Variants in PALM2AKAP2 observed in about 807,000 individuals in gnomAD.
The protein encoded by PALM2AKAP2 is PALM2-AKAP2 fusion protein.
A neutral mutation model predicts 71.5 loss-of-function variants in PALM2AKAP2; 37 were observed. The ratio of observed to expected loss-of-function variants is 0.52; its 90% CI spans 0.40 to 0.68. PALM2AKAP2 has a LOEUF of 0.68. PALM2AKAP2 is among the 30% of genes least tolerant of loss of function. The pLI is 0.00. For synonymous variants in PALM2AKAP2, 468 were observed against 478.8 expected, an observed-to-expected ratio of 0.98 and a Z score of 0.29; for missense variants, 1,224 against 1,191.8, an observed-to-expected ratio of 1.03 and a Z score of -0.40.
chr9:109,660,697 T>C (rs1475007918), intron 1 of PALM2AKAP2, among the ~76,000 whole-genome samples: 1 of 150,352 alleles, frequency 6.7e-6, no homozygotes, highest in African/African-American at 2.4e-5. Flanking sequence ...TTTATGATCC[T>C]TGTCAAATGG....
chr9:110,025,567 G>C, intron 7 of PALM2AKAP2, among the ~76,000 whole-genome samples: 1 of 152,146 alleles, frequency 6.6e-6, no homozygotes, highest in Non-Finnish European at 1.5e-5. Flanking sequence ...GAGTAGAATT[G>C]CTGGGTCATA....
chr9:109,924,028 A>G (rs1203654344), intron 4 of PALM2AKAP2, among the ~76,000 whole-genome samples, 179 bp downstream of exon 4: 1 of 152,188 alleles, frequency 6.6e-6, no homozygotes, highest in Non-Finnish European at 1.5e-5. Context: ...AGCATGACAT[A>G]TCTTTGGGTG....
At chr9:109,872,972 G>A (rs529805082) in intron 2 of PALM2AKAP2, among the ~76,000 whole-genome samples, 4 of 152,262 alleles carry the variant, frequency 2.6e-5, no homozygotes, top group South Asian at 4.1e-4. Flanking sequence ...GTCTTGGGTC[G>A]GCTTCTCCCT....
chr9:110,100,238 G>A lies in PALM2AKAP2; in HGVS notation c.157-35889G>A, dbSNP rs1180637142. ...GCAGCATGGGTATTATTGGGCTTAG[G>A]AAAAGGTGAAGGCTGCCTTGCTGCC... On this transcript the variant is annotated intron_variant, in intron 1 of 3. Coordinates refer to ENST00000374525, the Ensembl canonical transcript of PALM2AKAP2. Among the ~76,000 whole-genome samples the A allele has an allele frequency of 3.3e-5, 5 of 152,036 alleles. No individual in the cohort carries two copies. The East Asian group carries it at 9.7e-4, about 29-fold the overall frequency.
intron 1 of PALM2AKAP2, among the ~76,000 whole-genome samples, chr9:109,751,094 C>G (rs751326327): frequency 6.6e-6 from 1 of 152,082 alleles, no homozygotes; most frequent in Non-Finnish European, 1.5e-5. Flanking sequence ...GCCAGGCAAC[C>G]CTAGATTTTC....
chr9:110,053,549 GA>G (rs1289437510), intron 1 of PALM2AKAP2, among the ~76,000 whole-genome samples: 8 of 114,910 alleles, frequency 7.0e-5, no homozygotes, highest in Admixed American at 2.7e-4. Flanking sequence ...AAAAAAAAAA[GA>G]AAAAAAGAAA....
At chr9:109,912,704 TTAGA>T (rs139656396) in intron 3 of PALM2AKAP2, among the ~76,000 whole-genome samples, 24,029 of 151,854 alleles carry the variant, frequency 0.16, 2,255 homozygotes, top group East Asian at 0.25. Context: ...GAGAGCTAGA[TTAGA>T]TAGATAGATA....
intron 1 of PALM2AKAP2, among the ~76,000 whole-genome samples, chr9:109,735,253 C>T (rs1346486648): frequency 6.6e-6 from 1 of 150,522 alleles, no homozygotes; most frequent in Admixed American, 6.7e-5. Context: ...TGGGCCTGCT[C>T]TCCAGCAACT....
At chr9:109,977,237 A>G (rs1832188762) in intron 6 of PALM2AKAP2, among the ~76,000 whole-genome samples, 1 of 152,210 alleles carries the variant, frequency 6.6e-6, no homozygotes, top group Admixed American at 6.5e-5. Context: ...TACAGGAGGT[A>G]GTTGAAAGAA....
intron 3 of PALM2AKAP2, among the ~76,000 whole-genome samples, chr9:109,883,935 G>A (rs1402806224): frequency 1.3e-5 from 2 of 152,178 alleles, no homozygotes; most frequent in African/African-American, 2.4e-5. Context: ...GCAGAAACAA[G>A]GCCTAGGCTC....
At chr9:109,906,263 A>G (rs1227432934) in intron 3 of PALM2AKAP2, among the ~76,000 whole-genome samples, 2 of 152,138 alleles carry the variant, frequency 1.3e-5, no homozygotes, top group Non-Finnish European at 2.9e-5. Context: ...CAGTGGTGCA[A>G]TCTCGGCTCA....
intron 6 of PALM2AKAP2, among the ~76,000 whole-genome samples, chr9:109,965,266 C>T (rs146109119): frequency 1.4e-3 from 220 of 152,230 alleles, no homozygotes; most frequent in African/African-American, 4.8e-3. Context: ...AGCAAGGACT[C>T]GAACAGATAT....
intron 1 of PALM2AKAP2, among the ~76,000 whole-genome samples, chr9:110,109,559 C>G (rs1835196417): frequency 6.6e-6 from 1 of 152,086 alleles, no homozygotes; most frequent in South Asian, 2.1e-4. Flanking sequence ...CAAACCCTGC[C>G]CTCAGGGAGC....
chr9:110,055,656 C>T (rs1315661100), intron 1 of PALM2AKAP2, among the ~76,000 whole-genome samples: 1 of 152,058 alleles, frequency 6.6e-6, no homozygotes, highest in African/African-American at 2.4e-5. Flanking sequence ...ACATTCAGAC[C>T]CTAGCAGGGA....
At chr9:109,692,901 T>G (rs1827918984) in intron 1 of PALM2AKAP2, among the ~76,000 whole-genome samples, 1 of 151,922 alleles carries the variant, frequency 6.6e-6, no homozygotes, top group Non-Finnish European at 1.5e-5. Context: ...TTTCTTTCCC[T>G]TCCCCCCACC....
chr9:109,943,289 C>A, intron 6 of PALM2AKAP2: 1 of 1,614,242 alleles, frequency 6.2e-7, no homozygotes, highest in Non-Finnish European at 8.5e-7. Flanking sequence ...GGGAACGCGG[C>A]TGAGCTTGTG....
At chr9:109,882,540 C>CATAT (rs1013601212) in intron 3 of PALM2AKAP2, among the ~76,000 whole-genome samples, 11 of 151,894 alleles carry the variant, frequency 7.2e-5, no homozygotes, top group African/African-American at 2.7e-4. Context: ...ATATCATATA[C>CATAT]ATATATATAT....
intron 1 of PALM2AKAP2, among the ~76,000 whole-genome samples, chr9:110,085,339 A>G (rs897451677): frequency 6.6e-6 from 1 of 152,252 alleles, no homozygotes; most frequent in Non-Finnish European, 1.5e-5. Flanking sequence ...TTGAAAAAGT[A>G]TAAGAGGTGG....
chr9:109,964,467 A>G (rs1831907861), intron 6 of PALM2AKAP2, among the ~76,000 whole-genome samples: 1 of 152,240 alleles, frequency 6.6e-6, no homozygotes, highest in African/African-American at 2.4e-5. Context: ...GCGAGAGAAG[A>G]AGGGACAGAT....
Sources: gnomAD v4.1 joint callset for allele counts (sites outside exome capture counted in the v4.1 genomes callset) on GRCh38, gnomAD v4.1.1 for gene constraint, MANE v1.5 for transcripts, NCBI Gene and HGNC (gene_info 2026-07-23, HGNC 2026-07-21) for gene names.